Variants in MINK1 observed in about 807,000 individuals in gnomAD.
MINK1 encodes the protein misshapen like kinase 1.
MINK1 carries 46 observed loss-of-function variants against 178.4 expected under a neutral mutation model. That is an observed-to-expected ratio of 0.26 (90% CI 0.20 to 0.33). MINK1 has a LOEUF of 0.33. MINK1 is among the 10% of genes least tolerant of loss of function. MINK1 has a pLI of 1.00. For missense variants in MINK1, 1,366 were observed against 1,814.9 expected, an observed-to-expected ratio of 0.75 and a Z score of 4.49; for synonymous variants, 797 against 709.7, an observed-to-expected ratio of 1.12 and a Z score of -1.96.
chr17:4,857,540 C>CA (rs1913395687), intron 1 of MINK1, among the ~76,000 whole-genome samples: 3 of 140,426 alleles, frequency 2.1e-5, no homozygotes, highest in Admixed American at 7.6e-5. Context: ...GATCTCAGCT[C>CA]ACTTCAACCT....
chr17:4,885,857 T>C lies in MINK1; in HGVS notation c.640-54T>C, dbSNP rs1219957856. ...GGCCAGGATGGTGGGTGAAGAGAGG[T>C]TGCAGGGCAGAGTTGTCAGGAATAT... On this transcript the variant is annotated intron_variant, in intron 7 of 31. Coordinates refer to ENST00000355280, the MANE Select transcript of MINK1 (RefSeq NM_153827.5). This position sits in a 1 kb window ranked among gnomAD's most constrained non-coding sequence, Gnocchi z 5.0. 3.8e-6 allele frequency: 6 copies of C among 1,593,598 alleles called. No individual in the cohort carries two copies. In the Admixed American group the frequency reaches 1.0e-4, roughly 27 times the overall value.
intron 1 of MINK1, among the ~76,000 whole-genome samples, chr17:4,861,147 T>G (rs905648905): frequency 3.3e-5 from 5 of 152,066 alleles, no homozygotes; most frequent in African/African-American, 7.2e-5. Context: ...CCTGGAGCTG[T>G]GAGGGGAACA....
chr17:4,851,630 C>T (rs948032448), intron 1 of MINK1, among the ~76,000 whole-genome samples: 1 of 152,082 alleles, frequency 6.6e-6, no homozygotes, highest in Admixed American at 6.6e-5. Flanking sequence ...GCCCCATTGT[C>T]TCCCGACCTC....
chr17:4,863,813 G>A (rs772444458), intron 1 of MINK1, among the ~76,000 whole-genome samples: 15 of 151,048 alleles, frequency 9.9e-5, no homozygotes, highest in African/African-American at 2.9e-4. Flanking sequence ...TTTTTGAGAC[G>A]GAGTCTCACT....
In MINK1 at chr17:4,886,575, A is replaced by G. The variant is rs1968222664; in HGVS notation, c.898A>G (p.Ile300Val). 6.2e-7 allele frequency: 1 copy of G among 1,611,878 alleles called. No homozygotes were observed. The highest frequency in any genetic ancestry group is 8.5e-7 in the Non-Finnish European group (1 of 1,179,084). The change falls in exon 10 of 32, where the codon ATC (isoleucine) becomes GTC (valine). Residue 300 changes from isoleucine (I) to valine (V), a missense_variant. Coordinates refer to ENST00000355280, the MANE Select transcript of MINK1 (RefSeq NM_153827.5). This position sits in a 1 kb window ranked among gnomAD's most constrained non-coding sequence, Gnocchi z 6.1. The part of the protein sequence containing the change: ...RDQPTERQVR[I>V]QLKDHIDRSR... ...CCAGCCCACGGAGCGGCAGGTCCGC[A>G]TCCAGCTTAAGGACCACATTGACCG... is the stretch of plus-strand genomic sequence containing the variant.
chr17:4,867,601 G>A (rs1222827005), intron 1 of MINK1, among the ~76,000 whole-genome samples: 1 of 151,954 alleles, frequency 6.6e-6, no homozygotes, highest in East Asian at 1.9e-4. Flanking sequence ...GGAGTTTGAG[G>A]CCAGCCTGGC....
chr17:4,835,731 A>G (rs1909218449), intron 1 of MINK1, among the ~76,000 whole-genome samples: 1 of 152,106 alleles, frequency 6.6e-6, no homozygotes, highest in Non-Finnish European at 1.5e-5. Context: ...CTCTTTTGGT[A>G]GTTTGGCCTG....
chr17:4,858,567 C>T (rs1913576260), intron 1 of MINK1, among the ~76,000 whole-genome samples: 3 of 151,650 alleles, frequency 2.0e-5, no homozygotes, highest in African/African-American at 7.3e-5. Context: ...ACCTCCGCCT[C>T]CCAGTCTCAA....
rs1340180685 is a variant in MINK1 at position 4,887,910 on chromosome 17, C to CA, written c.1230+122dup. On this transcript the variant is annotated intron_variant, in intron 12 of 31. Coordinates refer to ENST00000355280, the MANE Select transcript of MINK1 (RefSeq NM_153827.5). This position sits in a 1 kb window ranked among gnomAD's most constrained non-coding sequence, Gnocchi z 7.6. ...TAAATGAATGGCATTTCTGTTGAAA[C>CA]AATTATATGATTTCAAATTTCATGA... is the stretch of plus-strand genomic sequence containing the variant. 1.4e-5 allele frequency: 11 copies of CA among 784,396 alleles called. No individual in the cohort carries two copies. Among genetic ancestry groups the CA allele is most frequent in the Non-Finnish European group, 1.9e-5 (10 of 532,240 alleles). 48.6% of individuals were successfully genotyped at this position (784,396 alleles called of 1,614,324 possible).
intron 1 of MINK1, among the ~76,000 whole-genome samples, chr17:4,873,229 C>G (rs1227622499): frequency 6.6e-6 from 1 of 152,246 alleles, no homozygotes; most frequent in Non-Finnish European, 1.5e-5. Context: ...CTTACACTCA[C>G]GAATGTCTGT....
chr17:4,865,793 G>A (rs1305372259), intron 1 of MINK1, among the ~76,000 whole-genome samples: 2 of 151,422 alleles, frequency 1.3e-5, no homozygotes, highest in Non-Finnish European at 2.9e-5. Context: ...TACCTGGTAG[G>A]CTAGGGCAGG....
intron 14 of MINK1, 22 bp downstream of exon 14, chr17:4,890,757 T>C: frequency 6.5e-7 from 1 of 1,539,898 alleles, no homozygotes. Flanking sequence ...CTCCTTTGCC[T>C]CCTGAGACTG....
chr17:4,891,076 G>A lies in MINK1; in HGVS notation c.1692G>A (p.Gln564=), dbSNP rs1355098236. 1 of 1,553,212 alleles carries A rather than the reference G, an allele frequency of 6.4e-7. No individual in the cohort carries two copies. The highest frequency in any genetic ancestry group is 2.4e-5 in the East Asian group (1 of 41,134). Residue 564 remains glutamine, a synonymous_variant, in exon 15 of 32, where the codon CAG becomes CAA. Transcript: ENST00000355280. ...ASPGPPGPLS[Q]TPPMQRPVEP... is the part of the protein sequence containing the mutation. ...CAGGGCCCCCAGGACCCCTTTCCCA[G>A]ACTCCTCCTATGCAGAGGCCGGTGG...
chr17:4,877,809 CT>C (rs1198512639), intron 1 of MINK1, among the ~76,000 whole-genome samples: 1,575 of 122,400 alleles, frequency 0.013, 14 homozygotes, highest in African/African-American at 0.046. Context: ...TCTCTCACTT[CT>C]TTTTTTTTTT....
intron 1 of MINK1, chr17:4,874,980 C>T (rs750161268): frequency 3.4e-5 from 17 of 502,774 alleles, no homozygotes; most frequent in Middle Eastern, 3.3e-4. Flanking sequence ...AACAGGCCCA[C>T]GGTATTTTCC....
intron 1 of MINK1, among the ~76,000 whole-genome samples, chr17:4,858,304 G>T (rs1163920866): frequency 6.6e-6 from 1 of 151,824 alleles, no homozygotes; most frequent in Non-Finnish European, 1.5e-5. Context: ...GAGGGGGGAG[G>T]GCCTCCCAGG....
chr17:4,887,202 G>C lies in MINK1; in HGVS notation c.1019+23G>C, dbSNP rs773019159. The C allele has an allele frequency of 3.8e-6, 6 of 1,583,714 alleles. No homozygotes were observed. Among genetic ancestry groups the C allele is most frequent in the Admixed American group, 1.8e-5 (1 of 55,102 alleles). On this transcript the variant is annotated intron_variant, in intron 11 of 31. Coordinates refer to ENST00000355280, the MANE Select transcript of MINK1 (RefSeq NM_153827.5). The surrounding 1 kb of genome is among the most constrained non-coding windows in gnomAD (Gnocchi z 7.6). ...AAGGTAGGCCTGGCAGGTGGAGTGG[G>C]GGTTGGGGCGGTCATCGCTGAGTGG...
intron 4 of MINK1, chr17:4,882,865 A>G (rs2151000222): frequency 1.3e-5 from 2 of 152,302 alleles, no homozygotes; most frequent in East Asian, 3.9e-4. Context: ...TCAAGCCTGT[A>G]ATCCCAGCAC....
At chr17:4,842,202 C>T (rs142513399) in intron 1 of MINK1, among the ~76,000 whole-genome samples, 1,796 of 138,582 alleles carry the variant, frequency 0.013, 39 homozygotes, top group African/African-American at 0.046. Context: ...CCAGCCTGGG[C>T]GACAGAGCGA....
Sources: allele counts gnomAD v4.1 joint callset (sites outside exome capture counted in the v4.1 genomes callset), GRCh38; gene constraint gnomAD v4.1.1; non-coding constraint Gnocchi (gnomAD v3.1); transcripts MANE v1.5; gene names NCBI Gene and HGNC (gene_info 2026-07-23, HGNC 2026-07-21).